The following ITGA6 variants were observed in gnomAD, a reference collection of about 807,000 sequenced individuals.
ITGA6 encodes integrin subunit alpha 6, also known as integrin alpha-6.
ITGA6 carries 63 observed loss-of-function variants against 133.6 expected under a neutral mutation model. That is an observed-to-expected ratio of 0.47 (90% CI 0.38 to 0.58). The LOEUF is 0.58. Among genes scored for constraint, ITGA6 ranks in the 20% least tolerant of loss-of-function variants. The probability of loss-of-function intolerance (pLI) is 0.00; values close to 1 mark genes in which losing one functional copy is unlikely to be tolerated. For synonymous variants in ITGA6, 434 were observed against 482.0 expected (o/e 0.90, Z 1.30); for missense variants, 1,068 against 1,309.4 (o/e 0.82, Z 2.85).
At position 172,471,077 on chromosome 2, in the gene ITGA6, C is replaced by T. The variant is rs764635196; in HGVS notation, c.747C>T (p.Leu249=). The T allele has an allele frequency of 1.2e-5, 20 of 1,614,080 alleles. No individual in the cohort carries two copies. The highest frequency in any genetic ancestry group is 5.3e-5 in the African/African-American group (4 of 74,928). ...GAGAGACTGAGCATGATGAAAGTCT[C>T]GTTCCTGTTCCTGCTAACAGTTACT... is the stretch of plus-strand genomic sequence containing the variant. ...VGGETEHDES[L]VPVPANSYLG... The change falls in exon 5 of 26, where the codon CTC becomes CTT. Residue 249 remains leucine (L), a synonymous_variant. Transcript: ENST00000684293.
intron 19 of ITGA6, 22 bp downstream of exon 19, chr2:172,488,250 T>C: frequency 6.7e-7 from 1 of 1,499,082 alleles, no homozygotes. Flanking sequence ...CAGTTGGTCT[T>C]TTCATTATAC....
chr2:172,463,563 A>G (rs566588909), intron 1 of ITGA6, among the ~76,000 whole-genome samples: 1 of 152,328 alleles, frequency 6.6e-6, no homozygotes, highest in African/African-American at 2.4e-5. Context: ...GCAGCTTTGT[A>G]AAGAAATGGA....
At chr2:172,498,221 C>A in intron 24 of ITGA6, 121 bp downstream of exon 24, 1 of 1,039,588 alleles carries the variant, frequency 9.6e-7, no homozygotes, top group Non-Finnish European at 1.4e-6. Flanking sequence ...CATTATGAAA[C>A]TCTTTTGACA....
At chr2:172,485,645 T>C (rs1221723809) in intron 13 of ITGA6, among the ~76,000 whole-genome samples, 1 of 152,174 alleles carries the variant, frequency 6.6e-6, no homozygotes, top group African/African-American at 2.4e-5. Flanking sequence ...AGTCAGAACA[T>C]TAAAATCAAG....
At chr2:172,461,767 G>A (rs1000493564) in intron 1 of ITGA6, among the ~76,000 whole-genome samples, 1 of 152,204 alleles carries the variant, frequency 6.6e-6, no homozygotes, top group African/African-American at 2.4e-5. Context: ...ATTGGATTTT[G>A]TGTGGGCTGA....
chr2:172,461,035 G>A (rs1314069131), intron 1 of ITGA6, among the ~76,000 whole-genome samples: 1 of 152,164 alleles, frequency 6.6e-6, no homozygotes, highest in Non-Finnish European at 1.5e-5. Context: ...AGCTCTCTTT[G>A]GGGGAGAACT....
chr2:172,465,458 A>C (rs1436654720), intron 1 of ITGA6, 81 bp from the exon 2 acceptor site: 2 of 1,509,340 alleles, frequency 1.3e-6, no homozygotes, highest in Admixed American at 3.3e-5. Flanking sequence ...GAATAATCCC[A>C]CTATCTCCTA....
At position 172,465,545 on chromosome 2, in the gene ITGA6, C is replaced by G. The variant is rs748573831; in HGVS notation, c.189C>G (p.Leu63=). The change falls in exon 2 of 26, where the codon CTC becomes CTG. Residue 63 remains leucine (L), a synonymous_variant. Transcript: ENST00000684293. The part of the protein sequence containing the change: ...QLQPEDKRLL[L]VGAPRAEALP... ...GTCTCTGTTTCATCAACAGGTTGCT[C>G]GTGGGGGCCCCGCGGGCAGAAGCGC... 16 of 1,614,094 alleles carry G rather than the reference C, an allele frequency of 9.9e-6. No individual in the cohort carries two copies. Among genetic ancestry groups the G allele is most frequent in the Non-Finnish European group, 1.4e-5 (16 of 1,180,040 alleles).
intron 23 of ITGA6, among the ~76,000 whole-genome samples, chr2:172,494,103 A>G (rs1053051392): frequency 6.6e-6 from 1 of 152,180 alleles, no homozygotes; most frequent in South Asian, 2.1e-4. Flanking sequence ...CTCAGATGTC[A>G]TATCTGCACA....
intron 9 of ITGA6, among the ~76,000 whole-genome samples, chr2:172,478,562 C>T (rs1054090011): frequency 1.3e-5 from 2 of 152,184 alleles, no homozygotes; most frequent in Non-Finnish European, 2.9e-5. Context: ...GCCACAGACC[C>T]GTGGAGACCC....
rs1687537566 is a variant in ITGA6, at chr2:172,505,819, T to A, written c.*1751T>A. ...ATTCTTAGTCACAAAATATATTTTG[T>A]TTACAAAAATTTCTGTAAAACAGGT... On this transcript the variant is annotated 3_prime_UTR_variant, in exon 26 of 26. Transcript: ENST00000684293. 6.6e-6 allele frequency: 1 copy of A among 152,630 alleles called. No individual in the cohort carries two copies. Among genetic ancestry groups the A allele is most frequent in the Non-Finnish European group, 1.5e-5 (1 of 68,036 alleles). 9.5% of individuals were successfully genotyped at this position (152,630 alleles called of 1,614,324 possible). A position where few individuals can be genotyped will look rare whatever the true frequency, so the allele number is the denominator to read the frequency against.
At chr2:172,492,762 T>C (rs1686975627) in intron 23 of ITGA6, among the ~76,000 whole-genome samples, 2 of 152,218 alleles carry the variant, frequency 1.3e-5, no homozygotes, top group South Asian at 4.1e-4. Context: ...GAATTACTGT[T>C]CTTAAGTTAA....
chr2:172,478,744 T>A (rs545977797), intron 9 of ITGA6, among the ~76,000 whole-genome samples: 1 of 152,224 alleles, frequency 6.6e-6, no homozygotes, highest in African/African-American at 2.4e-5. Context: ...TGCAGAGATA[T>A]CGTGGGGGTA....
In ITGA6 at chr2:172,462,642, C is replaced by T. The variant is rs373432434; in HGVS notation, c.183-2897C>T. On this transcript the variant is annotated intron_variant, in intron 1 of 25. Transcript: ENST00000684293. Reference sequence around the variant, plus strand: ...TTAAATGCCTATTCTTTGTCCCACACGTATTAGTTACAGAGAGTGGAGAAC... The same window carrying T: ...TTAAATGCCTATTCTTTGTCCCACATGTATTAGTTACAGAGAGTGGAGAAC... 2.5e-4 allele frequency among the ~76,000 whole-genome samples: 38 copies of T among 152,284 alleles called. No individual in the cohort carries two copies. In the South Asian group the frequency reaches 7.5e-3, roughly 30 times the overall value.
intron 1 of ITGA6, among the ~76,000 whole-genome samples, chr2:172,458,528 G>A (rs1685305777): frequency 6.6e-6 from 1 of 152,162 alleles, no homozygotes; most frequent in African/African-American, 2.4e-5. Context: ...TCCTCATTCT[G>A]GCATTTGAAG....
chr2:172,477,883 TGTACTA>T (rs1446067495), intron 9 of ITGA6, among the ~76,000 whole-genome samples: 2 of 152,214 alleles, frequency 1.3e-5, no homozygotes, highest in Admixed American at 1.3e-4. Context: ...TCTACTAAAT[TGTACTA>T]GCACTTCAGG....
Position 172,469,098 on chromosome 2 carries a change from G to A in ITGA6, c.388-27G>A. 1.9e-6 allele frequency: 3 copies of A among 1,613,496 alleles called. No homozygotes were observed. In the African/African-American group the frequency reaches 4.0e-5, roughly 22 times the overall value. ...AAAAACAAGGTTTATAGACAAGAATGGGCTACTTTCTTCCATCTGCTTGCA... is the reference window on the plus strand; with the variant it reads ...AAAAACAAGGTTTATAGACAAGAATAGGCTACTTTCTTCCATCTGCTTGCA... On this transcript the variant is annotated intron_variant, in intron 3 of 25. Transcript: ENST00000684293.
chr2:172,479,320 G>A (rs535099220), intron 9 of ITGA6, among the ~76,000 whole-genome samples: 3 of 152,228 alleles, frequency 2.0e-5, no homozygotes, highest in Non-Finnish European at 4.4e-5. Context: ...TTTAACTGAC[G>A]TGTCTGGAAG....
At chr2:172,457,355 C>CAGGATTT (rs1685254791) in intron 1 of ITGA6, among the ~76,000 whole-genome samples, 1 of 149,860 alleles carries the variant, frequency 6.7e-6, no homozygotes, top group African/African-American at 2.5e-5. Context: ...ACTCATTCCT[C>CAGGATTT]AGGATTTAGC....
Sources: gnomAD v4.1 joint callset for allele counts (sites outside exome capture counted in the v4.1 genomes callset) on GRCh38, gnomAD v4.1.1 for gene constraint, MANE v1.5 for transcripts, NCBI Gene and HGNC (gene_info 2026-07-23, HGNC 2026-07-21) for gene names.